MARK2: variants seen among roughly 807,000 people sequenced by gnomAD.
The protein encoded by MARK2 is microtubule affinity regulating kinase 2.
A neutral mutation model predicts 89.8 loss-of-function variants in MARK2; 16 were observed. That is an observed-to-expected ratio of 0.18 (90% CI 0.12 to 0.27). The LOEUF (loss-of-function observed/expected upper bound fraction) is 0.27, where lower values mean the gene tolerates loss of function less well. MARK2 is among the 10% of genes least tolerant of loss of function. MARK2 has a pLI of 1.00. For missense variants in MARK2, 621 were observed against 1,049.9 expected, an observed-to-expected ratio of 0.59 and a Z score of 5.65; for synonymous variants, 382 against 399.5, an observed-to-expected ratio of 0.96 and a Z score of 0.52.
chr11:63,909,502 G>A lies in MARK2; in HGVS notation c.*265G>A, dbSNP rs1941614170. On this transcript the variant is annotated 3_prime_UTR_variant, in exon 19 of 19. Transcript: ENST00000402010. ...GGCAAAGGAAGGGGAGGGTGGATGGGGGGGCAGGGCTCCCCCTCGGTACTG... is the reference window on the plus strand; with the variant it reads ...GGCAAAGGAAGGGGAGGGTGGATGGAGGGGCAGGGCTCCCCCTCGGTACTG... The A allele has an allele frequency of 5.4e-6, 2 of 370,008 alleles. No individual in the cohort carries two copies. Among genetic ancestry groups the A allele is most frequent in the Non-Finnish European group, 9.7e-6 (2 of 206,040 alleles). The allele number at this position is 370,008 out of a possible 1,614,324, so 22.9% of individuals were successfully genotyped here. A position where few individuals can be genotyped will look rare whatever the true frequency, so the allele number is the denominator to read the frequency against.
chr11:63,877,010 G>C (rs1475126845), intron 1 of MARK2, among the ~76,000 whole-genome samples: 1 of 151,066 alleles, frequency 6.6e-6, no homozygotes, highest in Non-Finnish European at 1.5e-5. Context: ...CCATTCCCAG[G>C]TTCATACCAC....
In MARK2 at chr11:63,900,490, C is replaced by G; in HGVS notation, c.769-69C>G. ...TTTGCCAGGCTTAAGCTCTCAGGATCTTGGATATTAGGTTTCTTCCTTTGG... is the reference window on the plus strand; with the variant it reads ...TTTGCCAGGCTTAAGCTCTCAGGATGTTGGATATTAGGTTTCTTCCTTTGG... On this transcript the variant is annotated intron_variant, in intron 8 of 18. Coordinates refer to ENST00000402010, the MANE Select transcript of MARK2 (RefSeq NM_001039469.3). The surrounding 1 kb of genome is among the most constrained non-coding windows in gnomAD (Gnocchi z 4.7). 6.4e-7 allele frequency: 1 copy of G among 1,561,764 alleles called. No homozygotes were observed.
intron 1 of MARK2, among the ~76,000 whole-genome samples, chr11:63,873,266 A>G (rs1276089956): frequency 6.6e-6 from 1 of 152,090 alleles, no homozygotes; most frequent in Non-Finnish European, 1.5e-5. Context: ...TTAGAGTACA[A>G]TATCCCTTTT....
chr11:63,874,974 A>C (rs992776943), intron 1 of MARK2, among the ~76,000 whole-genome samples: 1 of 151,894 alleles, frequency 6.6e-6, no homozygotes, highest in Non-Finnish European at 1.5e-5. Context: ...TTTTTAAGAG[A>C]CTGTCTCACT....
intron 1 of MARK2, among the ~76,000 whole-genome samples, chr11:63,894,386 A>G (rs1476432986): frequency 1.3e-5 from 2 of 152,198 alleles, no homozygotes; most frequent in Non-Finnish European, 2.9e-5. Context: ...AGGAAGGGCT[A>G]CTACGTTTCT....
Position 63,908,913 on chromosome 11 carries a change from AAAGG to A in MARK2, c.2047_2050del (p.Glu683AsnfsTer16). The A allele has an allele frequency of 6.6e-7, 1 of 1,509,096 alleles. No homozygotes were observed. The highest frequency in any genetic ancestry group is 8.9e-7 in the Non-Finnish European group (1 of 1,122,136). The allele number at this position is 1,509,096 out of a possible 1,614,324, so 93.5% of individuals were successfully genotyped here. ...TGGGCAGTGGCGGCAACGACAAAGA[AAAGG>A]AAGAATTTCGGGAGGCCAAGCCCCG... On this transcript the variant is annotated frameshift_variant, in exon 19 of 19. Coordinates refer to ENST00000402010, the MANE Select transcript of MARK2 (RefSeq NM_001039469.3). LOFTEE classifies it high-confidence loss of function.
intron 1 of MARK2, among the ~76,000 whole-genome samples, chr11:63,872,285 T>A (rs1373749219): frequency 6.6e-6 from 1 of 152,190 alleles, no homozygotes; most frequent in Non-Finnish European, 1.5e-5. Flanking sequence ...GGCCACAGAC[T>A]AGATTGCACA....
rs776686750 is a variant in MARK2 at position 63,904,752 on chromosome 11, T to C, written c.1677-34T>C. ...CAGTGATGGCTGTCCTGTACCCTAA[T>C]TCGTCCCCCTCAACCCCACTTCTCT... is the stretch of plus-strand genomic sequence containing the variant. On this transcript the variant is annotated intron_variant, in intron 15 of 18. Transcript: ENST00000402010. This position sits in a 1 kb window ranked among gnomAD's most constrained non-coding sequence, Gnocchi z 6.3. The C allele has an allele frequency of 7.6e-5, 121 of 1,602,076 alleles. No homozygotes were observed. Among genetic ancestry groups the C allele is most frequent in the Non-Finnish European group, 1.0e-4 (120 of 1,170,920 alleles).
At position 63,910,656 on chromosome 11, in the gene MARK2, T is replaced by TATA. The variant is rs199826712; in HGVS notation, c.*1419_*1420insATA. On this transcript the variant is annotated 3_prime_UTR_variant, in exon 19 of 19. Coordinates refer to ENST00000402010, the MANE Select transcript of MARK2 (RefSeq NM_001039469.3). ...TATTTTTTATTATTTTATTTTATTT[T>TATA]TTTTTTTTTTGATTTATGATGACTC... 1 of 148,018 alleles carries TATA rather than the reference T, an allele frequency of 6.8e-6. No homozygotes were observed. The highest frequency in any genetic ancestry group is 1.5e-5 in the Non-Finnish European group (1 of 66,528). The allele number at this position is 148,018 out of a possible 1,614,324, so 9.2% of individuals were successfully genotyped here. A position where few individuals can be genotyped will look rare whatever the true frequency, so the allele number is the denominator to read the frequency against.
chr11:63,895,657 CCTTTTTTT>C, intron 3 of MARK2, 24 bp downstream of exon 3: 1 of 1,420,780 alleles, frequency 7.0e-7, no homozygotes, highest in African/African-American at 1.6e-5. Flanking sequence ...ACCTCCTGTC[CCTTTTTTT>C]TTTTTTTTTT....
At chr11:63,854,597 G>A (rs1356740955) in intron 1 of MARK2, among the ~76,000 whole-genome samples, 1 of 151,710 alleles carries the variant, frequency 6.6e-6, no homozygotes, top group Non-Finnish European at 1.5e-5. Flanking sequence ...CACTTTCGGA[G>A]GCCAAGGCGA....
At chr11:63,892,429 T>A in intron 1 of MARK2, among the ~76,000 whole-genome samples, 1 of 152,186 alleles carries the variant, frequency 6.6e-6, no homozygotes, top group East Asian at 1.9e-4. Flanking sequence ...GCTTCTTGTC[T>A]AGGAATGCTG....
At chr11:63,881,466 C>T (rs1001601146) in intron 1 of MARK2, among the ~76,000 whole-genome samples, 2 of 152,006 alleles carry the variant, frequency 1.3e-5, no homozygotes, top group Non-Finnish European at 2.9e-5. Flanking sequence ...CTCTTGGGGT[C>T]GAGAGTGGGG....
rs1179599116 is a variant in MARK2 at position 63,903,370 on chromosome 11, A to G, written c.1514+212A>G. ...CTCTGACTGCTACTTGCAGTTTGCC[A>G]AGTGTGGGGCTGACCGTGGCCATCT... is the stretch of plus-strand genomic sequence containing the variant. On this transcript the variant is annotated intron_variant, in intron 14 of 18. Transcript: ENST00000402010. This position sits in a 1 kb window ranked among gnomAD's most constrained non-coding sequence, Gnocchi z 5.1. 3 of 570,094 alleles carry G rather than the reference A, an allele frequency of 5.3e-6. No individual in the cohort carries two copies. The African/African-American group carries it at 5.7e-5, about 11-fold the overall frequency. 35.3% of individuals were successfully genotyped at this position (570,094 alleles called of 1,614,324 possible).
chr11:63,881,405 G>A lies in MARK2; in HGVS notation c.55-13754G>A, dbSNP rs545180141. 3.9e-5 allele frequency among the ~76,000 whole-genome samples: 6 copies of A among 152,308 alleles called. No individual in the cohort carries two copies. In the East Asian group the frequency reaches 1.2e-3, roughly 29 times the overall value. On this transcript the variant is annotated intron_variant, in intron 1 of 18. Coordinates refer to ENST00000402010, the MANE Select transcript of MARK2 (RefSeq NM_001039469.3). ...AGGGCAACGAATGCCTCGAAAGAGGGGAAATGGGGCTGGTAGCAAGAAATT... is the reference window on the plus strand; with the variant it reads ...AGGGCAACGAATGCCTCGAAAGAGGAGAAATGGGGCTGGTAGCAAGAAATT...
rs1941087766 is a variant in MARK2 at position 63,903,709 on chromosome 11, G to A, written c.1515-277G>A. Among the ~76,000 whole-genome samples the A allele has an allele frequency of 6.6e-6, 1 of 152,210 alleles. No homozygotes were observed. Among genetic ancestry groups the A allele is most frequent in the Non-Finnish European group, 1.5e-5 (1 of 68,034 alleles). ...TGTTCTTAAAATTCTTAGGAGGCCAGTGCAGCCTGGAGGCAGCGGCCCCTT... is the reference window on the plus strand; with the variant it reads ...TGTTCTTAAAATTCTTAGGAGGCCAATGCAGCCTGGAGGCAGCGGCCCCTT... On this transcript the variant is annotated intron_variant, in intron 14 of 18. Coordinates refer to ENST00000402010, the MANE Select transcript of MARK2 (RefSeq NM_001039469.3). The surrounding 1 kb of genome is among the most constrained non-coding windows in gnomAD (Gnocchi z 5.1).
In MARK2 at chr11:63,908,980, T is replaced by G; in HGVS notation, c.2110T>G (p.Ser704Ala). The G allele has an allele frequency of 6.4e-7, 1 of 1,569,964 alleles. No homozygotes were observed. Among genetic ancestry groups the G allele is most frequent in the Non-Finnish European group, 8.7e-7 (1 of 1,148,270 alleles). The change falls in exon 19 of 19, where the codon TCC becomes GCC. Residue 704 changes from serine (S) to alanine (A), a missense_variant. Ser to Ala is a moderately conservative substitution (Grantham distance 99, BLOSUM62 1). This residue lies in a region of MARK2 where 49 missense variants were observed against 46.7 expected (regional missense o/e 1.05). Coordinates refer to ENST00000402010, the MANE Select transcript of MARK2 (RefSeq NM_001039469.3). The part of the protein sequence containing the change: ...RFTWSMKTTS[S>A]MEPNEMMREI... ...CACGTGGAGTATGAAGACCACGAGC[T>G]CCATGGAGCCCAACGAGATGATGCG...
intron 1 of MARK2, among the ~76,000 whole-genome samples, chr11:63,892,155 A>G (rs1379255798): frequency 6.6e-6 from 1 of 152,120 alleles, no homozygotes; most frequent in African/African-American, 2.4e-5. Flanking sequence ...TGAGGAAGAG[A>G]GAAGGAAGTT....
At chr11:63,871,588 T>C (rs1451368710) in intron 1 of MARK2, among the ~76,000 whole-genome samples, 2 of 145,108 alleles carry the variant, frequency 1.4e-5, no homozygotes, top group Non-Finnish European at 3.0e-5. Flanking sequence ...GAGTATTCAC[T>C]GTGTGCACGT....
Sources: gnomAD v4.1 joint callset for allele counts (sites outside exome capture counted in the v4.1 genomes callset) on GRCh38, gnomAD v4.1.1 for gene constraint, gnomAD v4.1.1 regional missense constraint, Gnocchi (gnomAD v3.1) non-coding constraint, MANE v1.5 for transcripts, NCBI Gene and HGNC (gene_info 2026-07-23, HGNC 2026-07-21) for gene names.